MYLK4: variants seen among roughly 807,000 people sequenced by gnomAD.
The protein encoded by MYLK4 is caMLCK like.
In MYLK4, 46 loss-of-function variants were observed where a neutral mutation model predicts 48.1. That is an observed-to-expected ratio of 0.96 (90% CI 0.75 to 1.22). The LOEUF (loss-of-function observed/expected upper bound fraction) is 1.22. Among genes scored for constraint, MYLK4 ranks in the 50% most tolerant of loss-of-function variants. MYLK4 has a pLI of 0.00. For synonymous variants in MYLK4, 170 were observed against 180.8 expected, an observed-to-expected ratio of 0.94 and a Z score of 0.48; for missense variants, 451 against 486.1, an observed-to-expected ratio of 0.93 and a Z score of 0.68.
intron 2 of MYLK4, among the ~76,000 whole-genome samples, chr6:2,717,044 G>C (rs1489082513): frequency 6.6e-6 from 1 of 152,162 alleles, no homozygotes; most frequent in Non-Finnish European, 1.5e-5. Flanking sequence ...GGTAAGAGGA[G>C]GGAAAGGGCA....
At chr6:2,757,863 G>A in the MYLK4 span, among the ~76,000 whole-genome samples, 1 of 152,098 alleles carries the variant, frequency 6.6e-6, no homozygotes, top group Admixed American at 6.6e-5. Context: ...ATGTAAAAAG[G>A]TTGCCAAAAT....
intron 7 of MYLK4, chr6:2,680,634 T>C (rs1434465408): frequency 1.1e-6 from 1 of 881,764 alleles, no homozygotes; most frequent in East Asian, 1.2e-4. Context: ...CATCTGCCCC[T>C]CTAAATTATT....
intron 2 of MYLK4, among the ~76,000 whole-genome samples, chr6:2,706,432 G>A (rs1720690333): frequency 1.3e-5 from 2 of 152,070 alleles, no homozygotes; most frequent in African/African-American, 4.8e-5. Flanking sequence ...GTAACTTGAT[G>A]GTGGTGATGG....
chr6:2,681,462 T>C (rs2113121181), intron 7 of MYLK4, among the ~76,000 whole-genome samples: 1 of 152,314 alleles, frequency 6.6e-6, no homozygotes, highest in Middle Eastern at 3.4e-3. Context: ...CACTGATGGA[T>C]CATGTATAAA....
chr6:2,752,686 G>A (rs2113390954), upstream of MYLK4, among the ~76,000 whole-genome samples: 1 of 152,270 alleles, frequency 6.6e-6, no homozygotes, highest in Middle Eastern at 3.4e-3. Flanking sequence ...GAGTTCCGGG[G>A]AGGGGTGTAG....
the MYLK4 span, among the ~76,000 whole-genome samples, chr6:2,768,397 T>G: frequency 3.9e-5 from 6 of 152,330 alleles, no homozygotes; most frequent in East Asian, 1.2e-3. Flanking sequence ...TTTACTGGGA[T>G]TCCAAAGATC....
At chr6:2,761,061 A>T in the MYLK4 span, among the ~76,000 whole-genome samples, 1 of 152,194 alleles carries the variant, frequency 6.6e-6, no homozygotes, top group Non-Finnish European at 1.5e-5. Flanking sequence ...GGTGCGCAAG[A>T]TCATGCCCAA....
At chr6:2,727,309 C>T (rs937907722) in intron 2 of MYLK4, among the ~76,000 whole-genome samples, 4 of 152,178 alleles carry the variant, frequency 2.6e-5, no homozygotes, top group African/African-American at 9.7e-5. Flanking sequence ...AAAGAGAAGA[C>T]CCCGGAAAGC....
At chr6:2,680,165 G>T in intron 8 of MYLK4, 56 bp downstream of exon 8, 1 of 1,582,244 alleles carries the variant, frequency 6.3e-7, no homozygotes, top group South Asian at 1.1e-5. Context: ...TGCAAAGGAA[G>T]GGCAACCATC....
intron 2 of MYLK4, among the ~76,000 whole-genome samples, chr6:2,745,057 C>CGGA (rs1384992215): frequency 1.3e-5 from 2 of 151,988 alleles, no homozygotes; most frequent in Non-Finnish European, 2.9e-5. Context: ...GGAAAACCAA[C>CGGA]GGAGGAGGAG....
At chr6:2,761,037 G>A in the MYLK4 span, among the ~76,000 whole-genome samples, 1 of 152,140 alleles carries the variant, frequency 6.6e-6, no homozygotes, top group Non-Finnish European at 1.5e-5. Flanking sequence ...GCATACCTTA[G>A]GTATGAACAT....
intron 7 of MYLK4, 40 bp downstream of exon 7, chr6:2,682,981 G>A (rs900583564): frequency 1.2e-6 from 2 of 1,613,320 alleles, no homozygotes; most frequent in African/African-American, 1.3e-5. Context: ...TGCAAGAGCT[G>A]GGAAGGGCTT....
the MYLK4 span, among the ~76,000 whole-genome samples, chr6:2,762,619 T>C: frequency 1.3e-5 from 2 of 152,272 alleles, no homozygotes; most frequent in Non-Finnish European, 2.9e-5. Flanking sequence ...TATTCACTTC[T>C]GTGATGCTCC....
intron 2 of MYLK4, among the ~76,000 whole-genome samples, chr6:2,716,639 A>G (rs1038040310): frequency 1.3e-5 from 2 of 152,136 alleles, no homozygotes; most frequent in African/African-American, 4.8e-5. Flanking sequence ...ACAACCTAGT[A>G]GGGGAAACTG....
chr6:2,762,826 C>T, the MYLK4 span, among the ~76,000 whole-genome samples: 2 of 152,162 alleles, frequency 1.3e-5, no homozygotes, highest in African/African-American at 4.8e-5. Flanking sequence ...GGTCTTAGGT[C>T]AGCATCTCTT....
chr6:2,674,115 T>G (rs1485012694), intron 11 of MYLK4, among the ~76,000 whole-genome samples: 2 of 152,156 alleles, frequency 1.3e-5, no homozygotes, highest in African/African-American at 4.8e-5. Flanking sequence ...AAGATATCTG[T>G]GCCAAAGAGA....
At chr6:2,694,054 C>T (rs561150862) in intron 2 of MYLK4, among the ~76,000 whole-genome samples, 2 of 152,054 alleles carry the variant, frequency 1.3e-5, no homozygotes, top group Non-Finnish European at 2.9e-5. Context: ...CCAACATGTC[C>T]GGCTGCAAAT....
At chr6:2,735,305 G>T (rs753786878) in intron 2 of MYLK4, among the ~76,000 whole-genome samples, 2 of 152,050 alleles carry the variant, frequency 1.3e-5, no homozygotes, top group African/African-American at 2.4e-5. Flanking sequence ...AGAAAGCCAG[G>T]GCATGTCAGG....
chr6:2,767,027 A>G, the MYLK4 span, among the ~76,000 whole-genome samples: 1 of 152,240 alleles, frequency 6.6e-6, no homozygotes, highest in East Asian at 1.9e-4. Context: ...TACAAAACTA[A>G]CATAAAAACT....
Sources: gnomAD v4.1 joint callset for allele counts (sites outside exome capture counted in the v4.1 genomes callset) on GRCh38, gnomAD v4.1.1 for gene constraint, MANE v1.5 for transcripts, NCBI Gene and HGNC (gene_info 2026-07-23, HGNC 2026-07-21) for gene names.